The following MMP26 variants were observed in gnomAD, a reference collection of about 807,000 sequenced individuals.
The protein encoded by MMP26 is matrix metalloproteinase-26.
A neutral mutation model predicts 31.0 loss-of-function variants in MMP26; 33 were observed. The observed-to-expected ratio is 1.06, with a 90% CI of 0.81 to 1.42. The LOEUF (loss-of-function observed/expected upper bound fraction) is 1.42, where lower values mean the gene tolerates loss of function less well. Among genes scored for constraint, MMP26 ranks in the 40% most tolerant of loss-of-function variants. The probability of loss-of-function intolerance (pLI) is 0.00; values close to 1 mark genes in which losing one functional copy is unlikely to be tolerated. For synonymous variants in MMP26, 122 were observed against 114.9 expected, an observed-to-expected ratio of 1.06 and a Z score of -0.40; for missense variants, 347 against 316.1, an observed-to-expected ratio of 1.10 and a Z score of -0.74.
chr11:4,729,721 G>A (rs1848147767), intron 1 of MMP26, among the ~76,000 whole-genome samples: 1 of 150,910 alleles, frequency 6.6e-6, no homozygotes, highest in African/African-American at 2.5e-5. Flanking sequence ...AACCTAACAG[G>A]TGTGAGCATA....
At chr11:4,792,190 A>C (rs1849036671) in intron 2 of MMP26, among the ~76,000 whole-genome samples, 1 of 152,018 alleles carries the variant, frequency 6.6e-6, no homozygotes, top group South Asian at 2.1e-4. Flanking sequence ...TTGACTCAAA[A>C]AAAAAAAAGG....
At chr11:4,874,055 G>A (rs1353326612) in intron 2 of MMP26, among the ~76,000 whole-genome samples, 1 of 151,958 alleles carries the variant, frequency 6.6e-6, no homozygotes, top group Non-Finnish European at 1.5e-5. Context: ...AGTCAGCGAG[G>A]GTGTTGGTAT....
At chr11:4,970,927 G>A (rs538755438) in intron 2 of MMP26, among the ~76,000 whole-genome samples, 1 of 152,158 alleles carries the variant, frequency 6.6e-6, no homozygotes, top group African/African-American at 2.4e-5. Context: ...AACAGCATGC[G>A]GCCTGGGGTG....
At chr11:4,898,497 A>G (rs190176326) in intron 2 of MMP26, among the ~76,000 whole-genome samples, 139 of 152,112 alleles carry the variant, frequency 9.1e-4, no homozygotes, top group Non-Finnish European at 1.6e-3. Context: ...TGTACCTACT[A>G]TTCTTTTACT....
chr11:4,853,292 T>A lies in MMP26; in HGVS notation c.-145+85951T>A, dbSNP rs192623591. Among the ~76,000 whole-genome samples, 6 of 152,316 alleles carry A rather than the reference T, an allele frequency of 3.9e-5. No homozygotes were observed. In the East Asian group the frequency reaches 1.2e-3, roughly 29 times the overall value. On this transcript the variant is annotated intron_variant, in intron 2 of 7. Transcript: ENST00000380390. ...ATAAATATGTTAATTGGCTTGATTGTGGTCAACATTTCACAAGGTATACAT... is the reference window on the plus strand; with the variant it reads ...ATAAATATGTTAATTGGCTTGATTGAGGTCAACATTTCACAAGGTATACAT...
intron 2 of MMP26, among the ~76,000 whole-genome samples, chr11:4,894,471 T>G (rs1850672748): frequency 1.3e-5 from 2 of 152,202 alleles, no homozygotes; most frequent in Non-Finnish European, 2.9e-5. Flanking sequence ...TAGGACACAG[T>G]ATGCAATATA....
intron 2 of MMP26, chr11:4,877,953 C>T (rs1850406850): frequency 6.6e-6 from 1 of 152,094 alleles, no homozygotes; most frequent in Admixed American, 6.6e-5. Context: ...GCGTTGTGTT[C>T]CCACCACTGA....
In MMP26 at chr11:4,767,285, C is replaced by T. The variant is rs978766981; in HGVS notation, c.-201C>T. The T allele has an allele frequency of 8.5e-5, 13 of 152,126 alleles. No homozygotes were observed. Among genetic ancestry groups the T allele is most frequent in the African/African-American group, 2.9e-4 (12 of 41,422 alleles). The allele number at this position is 152,126 out of a possible 1,614,324, so 9.4% of individuals were successfully genotyped here. ...TTTTCCACAGAGTTTCTTACAAAAT[C>T]GTCCTATCCAGCATGCACTTTTGGA... On this transcript the variant is annotated 5_prime_UTR_variant, in exon 2 of 8. Coordinates refer to ENST00000380390, the MANE Select transcript of MMP26 (RefSeq NM_021801.5).
At position 4,881,793 on chromosome 11, in the gene MMP26, AC is replaced by A. The variant is rs1850466318; in HGVS notation, c.-144-106273del. The A allele has an allele frequency of 3.0e-6, 3 of 1,014,798 alleles. No individual in the cohort carries two copies. In the South Asian group the frequency reaches 4.8e-5, roughly 16 times the overall value. The allele number at this position is 1,014,798 out of a possible 1,614,324, so 62.9% of individuals were successfully genotyped here. On this transcript the variant is annotated intron_variant, in intron 2 of 7. Coordinates refer to ENST00000380390, the MANE Select transcript of MMP26 (RefSeq NM_021801.5). ...TCTTTAAAACAGAAGAAAAATAACT[AC>A]CTTAAATTTAAAATTGTATATAAAA... is the stretch of plus-strand genomic sequence containing the variant.
intron 1 of MMP26, among the ~76,000 whole-genome samples, chr11:4,732,890 G>A (rs947215477): frequency 6.6e-6 from 1 of 152,170 alleles, no homozygotes; most frequent in African/African-American, 2.4e-5. Flanking sequence ...GGGCGGCAGC[G>A]CCATTTGTTG....
At chr11:4,923,847 G>T (rs143975651) in intron 2 of MMP26, 46 of 1,614,056 alleles carry the variant, frequency 2.8e-5, no homozygotes, top group Non-Finnish European at 3.9e-5. Flanking sequence ...AAGCGCTTCA[G>T]GAGGAATGGC....
chr11:4,910,073 G>C (rs1004394616), intron 2 of MMP26, among the ~76,000 whole-genome samples: 1 of 152,062 alleles, frequency 6.6e-6, no homozygotes, highest in African/African-American at 2.4e-5. Flanking sequence ...GTAAGCTGCA[G>C]TTCTGACATG....
rs1849227240 is a variant in MMP26 at position 4,804,065 on chromosome 11, A to G, written c.-145+36724A>G. The G allele has an allele frequency of 6.2e-7, 1 of 1,614,114 alleles. No individual in the cohort carries two copies. Among genetic ancestry groups the G allele is most frequent in the Admixed American group, 1.7e-5 (1 of 60,012 alleles). ...TCCACAGAAGAAAAGGCATGGATGA[A>G]GAACACCTGGATGAGGCAGGCATGG... On this transcript the variant is annotated intron_variant, in intron 2 of 7. Transcript: ENST00000380390.
chr11:4,746,831 TCACACACACACACACA>T (rs3223670), intron 1 of MMP26, among the ~76,000 whole-genome samples: 36 of 137,116 alleles, frequency 2.6e-4, no homozygotes, highest in Non-Finnish European at 3.7e-4. Flanking sequence ...TAAGTCTCTG[TCACACACACACACACA>T]CACACACACA....
chr11:4,844,218 C>A (rs191767930), intron 2 of MMP26, among the ~76,000 whole-genome samples: 4 of 151,998 alleles, frequency 2.6e-5, no homozygotes, highest in African/African-American at 4.8e-5. Flanking sequence ...GATTGAACCA[C>A]GAAGAAATCC....
rs755376627 is a variant in MMP26, at chr11:4,991,343, T to C, written c.470-28T>C. ...GCCTTTGTTTCTACCTCCACCCTCA[T>C]TGTGATCATAGCTTCTGTCGTCCAC... On this transcript the variant is annotated intron_variant, in intron 5 of 7. Transcript: ENST00000380390. 25 of 1,604,544 alleles carry C rather than the reference T, an allele frequency of 1.6e-5. No homozygotes were observed. The African/African-American group carries it at 2.4e-4, about 15-fold the overall frequency.
intron 1 of MMP26, among the ~76,000 whole-genome samples, chr11:4,754,908 A>G (rs1848487813): frequency 6.6e-6 from 1 of 152,020 alleles, no homozygotes; most frequent in African/African-American, 2.4e-5. Flanking sequence ...ATCTAAATTC[A>G]GTCTTCTTCA....
intron 2 of MMP26, among the ~76,000 whole-genome samples, chr11:4,776,928 A>C (rs1348589181): frequency 6.6e-6 from 1 of 152,124 alleles, no homozygotes; most frequent in Non-Finnish European, 1.5e-5. Flanking sequence ...AGCCTAATAC[A>C]ATTAGTGATG....
At chr11:4,844,351 A>T (rs1227951239) in intron 2 of MMP26, among the ~76,000 whole-genome samples, 1 of 152,184 alleles carries the variant, frequency 6.6e-6, no homozygotes, top group Non-Finnish European at 1.5e-5. Context: ...TAAATAATTA[A>T]TACCAATCCT....
Sources: allele counts gnomAD v4.1 joint callset (sites outside exome capture counted in the v4.1 genomes callset), GRCh38; gene constraint gnomAD v4.1.1; transcripts MANE v1.5; gene names NCBI Gene and HGNC (gene_info 2026-07-23, HGNC 2026-07-21).